PCDHA1: variants seen among roughly 807,000 people sequenced by gnomAD.
PCDHA1 encodes the protein protocadherin alpha 1, also known as protocadherin alpha-1.
A neutral mutation model predicts 61.3 loss-of-function variants in PCDHA1; 42 were observed. The observed-to-expected ratio is 0.69, with a 90% CI of 0.54 to 0.89. The LOEUF is 0.89. Among genes scored for constraint, PCDHA1 ranks in the 40% least tolerant of loss-of-function variants. The pLI, the probability that PCDHA1 is intolerant of heterozygous loss-of-function variation, is 0.00. For missense variants in PCDHA1, 1,256 were observed against 1,235.3 expected (o/e 1.02, Z -0.25); for synonymous variants, 610 against 553.8 (o/e 1.10, Z -1.43).
At chr5:140,880,496 A>G (rs965874952) in intron 1 of PCDHA1, among the ~76,000 whole-genome samples, 4 of 152,206 alleles carry the variant, frequency 2.6e-5, no homozygotes, top group African/African-American at 4.8e-5. Flanking sequence ...AGAGCAATTG[A>G]ATTTCTGTTT....
At position 140,843,179 on chromosome 5, in the gene PCDHA1, A is replaced by T. The variant is rs1554139831; in HGVS notation, c.2394+54495A>T. On this transcript the variant is annotated intron_variant, in intron 1 of 3. Transcript: ENST00000504120. Reference sequence around the variant, plus strand: ...GCAGCCAGCTGCAAGCAGCCCTCGCATCCCGTTCCGCGTGGGGCTGTACAC... The same window carrying T: ...GCAGCCAGCTGCAAGCAGCCCTCGCTTCCCGTTCCGCGTGGGGCTGTACAC... 4 of 1,595,858 alleles carry T rather than the reference A, an allele frequency of 2.5e-6. 1 individual carries two copies. In the Admixed American group the frequency reaches 5.1e-5, roughly 20 times the overall value.
chr5:140,885,924 TTATC>T lies in PCDHA1; in HGVS notation c.2395-93021_2395-93018del, dbSNP rs554293197. Among the ~76,000 whole-genome samples the T allele has an allele frequency of 1.1e-3, 168 of 152,304 alleles. 1 individual carries two copies. The highest frequency in any genetic ancestry group is 9.9e-3 in the South Asian group (48 of 4,826). ...TCTGTACCTTATAGATATTAACTGT[TTATC>T]TATTTTTTGACATTTTTAATTAAAA... On this transcript the variant is annotated intron_variant, in intron 1 of 3. Coordinates refer to ENST00000504120, the MANE Select transcript of PCDHA1 (RefSeq NM_018900.4).
intron 1 of PCDHA1, among the ~76,000 whole-genome samples, chr5:140,798,044 T>C (rs1489233243): frequency 1.3e-5 from 2 of 152,120 alleles, no homozygotes; most frequent in African/African-American, 4.8e-5. Flanking sequence ...TTTTTATTTT[T>C]AGTAGAGACG....
At chr5:140,940,194 G>T (rs1455968152) in intron 1 of PCDHA1, among the ~76,000 whole-genome samples, 4 of 152,118 alleles carry the variant, frequency 2.6e-5, no homozygotes, top group East Asian at 1.9e-4. Context: ...TTTTACATGG[G>T]TGTAAAATTC....
At chr5:141,003,404 C>T (rs1220823523) in intron 3 of PCDHA1, among the ~76,000 whole-genome samples, 4 of 152,138 alleles carry the variant, frequency 2.6e-5, no homozygotes, top group African/African-American at 4.8e-5. Context: ...CTCCGCCTCC[C>T]GGGTTCGAGT....
At chr5:140,884,549 G>C (rs782470468) in intron 1 of PCDHA1, 2 of 1,614,016 alleles carry the variant, frequency 1.2e-6, no homozygotes, top group Non-Finnish European at 1.7e-6. Flanking sequence ...GGTGTGCTCT[G>C]GGGAGGGCCC....
chr5:140,922,131 TTATCC>T (rs2080656521), intron 1 of PCDHA1, among the ~76,000 whole-genome samples: 1 of 152,176 alleles, frequency 6.6e-6, no homozygotes, highest in South Asian at 2.1e-4. Context: ...TAAATGTCTC[TTATCC>T]TCCATGAAAC....
At chr5:140,921,165 A>T (rs959305878) in intron 1 of PCDHA1, among the ~76,000 whole-genome samples, 1 of 151,798 alleles carries the variant, frequency 6.6e-6, no homozygotes, top group Non-Finnish European at 1.5e-5. Flanking sequence ...TTTTTTTAAC[A>T]CACATAAAGC....
At chr5:140,839,812 A>G (rs2150301074) in intron 1 of PCDHA1, among the ~76,000 whole-genome samples, 1 of 152,032 alleles carries the variant, frequency 6.6e-6, no homozygotes, top group African/African-American at 2.4e-5. Flanking sequence ...TTAATTGCCT[A>G]CTATGAAGGC....
At chr5:140,839,113 G>A (rs2150294815) in intron 1 of PCDHA1, among the ~76,000 whole-genome samples, 18 of 151,872 alleles carry the variant, frequency 1.2e-4, no homozygotes, top group African/African-American at 4.4e-4. Flanking sequence ...TTACCATTAA[G>A]CCATAATATG....
At chr5:140,924,572 A>G (rs1345446158) in intron 1 of PCDHA1, among the ~76,000 whole-genome samples, 1 of 152,132 alleles carries the variant, frequency 6.6e-6, no homozygotes, top group African/African-American at 2.4e-5. Flanking sequence ...CAATTTTTAA[A>G]TGTTTTCAAA....
intron 1 of PCDHA1, among the ~76,000 whole-genome samples, chr5:140,921,258 G>C (rs537231615): frequency 6.6e-6 from 1 of 151,824 alleles, no homozygotes; most frequent in South Asian, 2.1e-4. Flanking sequence ...AAAAGTCCTA[G>C]ACTTTTATAC....
At chr5:140,868,198 C>T (rs1220217511) in intron 1 of PCDHA1, 2 of 152,058 alleles carry the variant, frequency 1.3e-5, no homozygotes, top group East Asian at 1.9e-4. Context: ...CTATGGCTTA[C>T]ATTAGAAATA....
At position 140,841,259 on chromosome 5, in the gene PCDHA1, G is replaced by T. The variant is rs1777115854; in HGVS notation, c.2394+52575G>T. 3.3e-6 allele frequency: 5 copies of T among 1,517,592 alleles called. No homozygotes were observed. In the South Asian group the frequency reaches 6.6e-5, roughly 20 times the overall value. 94.0% of individuals were successfully genotyped at this position (1,517,592 alleles called of 1,614,324 possible). ...CAGCGGAATTGGATTAAAAGACTCT[G>T]AAAGTACAGTCGTTCATCTTTATAT... On this transcript the variant is annotated intron_variant, in intron 1 of 3. Transcript: ENST00000504120.
At chr5:140,864,940 G>T (rs528676037) in intron 1 of PCDHA1, 4 of 152,296 alleles carry the variant, frequency 2.6e-5, no homozygotes, top group African/African-American at 9.6e-5. Flanking sequence ...TCTCAGGCCT[G>T]TAATCCCAGC....
intron 1 of PCDHA1, among the ~76,000 whole-genome samples, chr5:140,921,833 T>C (rs1228666561): frequency 1.3e-5 from 2 of 152,094 alleles, no homozygotes; most frequent in Admixed American, 6.6e-5. Flanking sequence ...TATACACATA[T>C]AGACATATTT....
chr5:140,829,339 G>A (rs1770234553), intron 1 of PCDHA1: 1 of 1,614,278 alleles, frequency 6.2e-7, no homozygotes, highest in Non-Finnish European at 8.5e-7. Flanking sequence ...TGGACCGCGA[G>A]AGCGTGTCGG....
chr5:140,836,694 G>A (rs1249098151), intron 1 of PCDHA1: 9 of 1,613,292 alleles, frequency 5.6e-6, no homozygotes, highest in Non-Finnish European at 7.6e-6. Flanking sequence ...AGACCTCATG[G>A]CCTTCAGTCC....
intron 1 of PCDHA1, chr5:140,876,592 G>A (rs1469576623): frequency 1.2e-6 from 2 of 1,614,164 alleles, no homozygotes; most frequent in Middle Eastern, 1.6e-4. Flanking sequence ...CCTGATTAGC[G>A]TGTCGGATCG....
Sources: gnomAD v4.1 joint callset for allele counts (sites outside exome capture counted in the v4.1 genomes callset) on GRCh38, gnomAD v4.1.1 for gene constraint, MANE v1.5 for transcripts, NCBI Gene and HGNC (gene_info 2026-07-23, HGNC 2026-07-21) for gene names.